ARID5B: variants seen among roughly 807,000 people sequenced by gnomAD.
ARID5B encodes the protein AT-rich interaction domain 5B, also known as AT-rich interactive domain-containing protein 5B.
Under a neutral mutation model 97.2 loss-of-function variants are expected in ARID5B, and 13 were observed. The ratio of observed to expected loss-of-function variants is 0.13; its 90% CI spans 0.09 to 0.21. The LOEUF (loss-of-function observed/expected upper bound fraction) is 0.21. ARID5B is among the 10% of genes least tolerant of loss of function. The pLI, the probability that ARID5B is intolerant of heterozygous loss-of-function variation, is 1.00. For missense variants in ARID5B, 1,210 were observed against 1,465.3 expected, an observed-to-expected ratio of 0.83 and a Z score of 2.84; for synonymous variants, 556 against 570.3, an observed-to-expected ratio of 0.97 and a Z score of 0.36.
At chr10:62,014,568 A>G (rs1839259938) in intron 4 of ARID5B, among the ~76,000 whole-genome samples, 1 of 152,178 alleles carries the variant, frequency 6.6e-6, no homozygotes, top group South Asian at 2.1e-4. Context: ...AAGAAAAAGC[A>G]CAGTGTACTA....
intron 2 of ARID5B, among the ~76,000 whole-genome samples, chr10:61,926,187 C>T (rs1844102921): frequency 6.6e-6 from 1 of 152,126 alleles, no homozygotes; most frequent in Admixed American, 6.5e-5. Context: ...TTTCTGCCGT[C>T]TTTCTTTGGG....
chr10:62,003,426 G>A (rs953991708), intron 4 of ARID5B, among the ~76,000 whole-genome samples: 1 of 152,166 alleles, frequency 6.6e-6, no homozygotes, highest in African/African-American at 2.4e-5. Context: ...TTAAAAGATA[G>A]GGAGCAGGTT....
intron 3 of ARID5B, among the ~76,000 whole-genome samples, chr10:61,998,679 T>C (rs1839035365): frequency 6.6e-6 from 1 of 152,204 alleles, no homozygotes; most frequent in Non-Finnish European, 1.5e-5. Flanking sequence ...GTGGTTTTGA[T>C]AGAACTCTCT....
intron 2 of ARID5B, among the ~76,000 whole-genome samples, chr10:61,905,471 C>T (rs568606365): frequency 2.0e-5 from 3 of 148,516 alleles, no homozygotes; most frequent in African/African-American, 7.5e-5. Context: ...AATATTTTCT[C>T]ATGATTTTTG....
chr10:61,997,876 G>A (rs752970481), intron 3 of ARID5B, among the ~76,000 whole-genome samples: 56 of 152,176 alleles, frequency 3.7e-4, no homozygotes, highest in Non-Finnish European at 3.7e-4. Flanking sequence ...TGTATAAAAA[G>A]CACGGTTTTG....
chr10:61,966,637 A>T (rs969431902), intron 3 of ARID5B, among the ~76,000 whole-genome samples: 2 of 152,234 alleles, frequency 1.3e-5, no homozygotes, highest in Middle Eastern at 3.4e-3. Flanking sequence ...AAGGCACCCC[A>T]TAAGATGAGG....
At position 62,091,917 on chromosome 10, in the gene ARID5B, C is replaced by G. The variant is rs376018574; in HGVS notation, c.2454C>G (p.Ala818=). 3.1e-6 allele frequency: 5 copies of G among 1,613,736 alleles called. No individual in the cohort carries two copies. The highest frequency in any genetic ancestry group is 4.2e-6 in the Non-Finnish European group (5 of 1,179,934). ...EGKDKLLEKR[A]LPHSHMPSFL... is the part of the protein sequence containing the mutation. The stretch of plus-strand genomic sequence containing the variant: ...AGGATAAACTCTTAGAGAAAAGGGC[C>G]CTCCCCCATTCCCACATGCCTAGCT... Residue 818 remains alanine, a synonymous_variant, in exon 10 of 10, where the codon GCC becomes GCG. Transcript: ENST00000279873.
intron 2 of ARID5B, among the ~76,000 whole-genome samples, chr10:61,919,870 G>A (rs1045236920): frequency 3.3e-5 from 5 of 151,910 alleles, no homozygotes; most frequent in African/African-American, 4.8e-5. Context: ...AATGCAGATC[G>A]TATGAATCAC....
chr10:61,913,986 G>T (rs1218699181), intron 2 of ARID5B, among the ~76,000 whole-genome samples: 3 of 152,112 alleles, frequency 2.0e-5, no homozygotes, highest in Non-Finnish European at 4.4e-5. Context: ...CCCGACCTCA[G>T]GTGATCCACC....
In ARID5B at chr10:61,926,735, A is replaced by G. The variant is rs140359931; in HGVS notation, c.277-13448A>G. The stretch of plus-strand genomic sequence containing the variant: ...GTGATTCTCCTGCCTCAGCCTCCCA[A>G]GTAGCTGGGACTACAGGCGTGCACC... On this transcript the variant is annotated intron_variant, in intron 2 of 9. Transcript: ENST00000279873. Among the ~76,000 whole-genome samples, 620 of 152,156 alleles carry G rather than the reference A, an allele frequency of 4.1e-3. 23 individuals are homozygous for G. The highest frequency in any genetic ancestry group is 0.036 in the Admixed American group (554 of 15,296).
intron 2 of ARID5B, among the ~76,000 whole-genome samples, chr10:61,909,481 G>A (rs1843766084): frequency 6.6e-6 from 1 of 152,074 alleles, no homozygotes; most frequent in East Asian, 1.9e-4. Context: ...GCCAGCCACC[G>A]CGGCCGGCTA....
At chr10:61,974,747 C>T (rs1462849209) in intron 3 of ARID5B, among the ~76,000 whole-genome samples, 1 of 152,206 alleles carries the variant, frequency 6.6e-6, no homozygotes, top group Non-Finnish European at 1.5e-5. Context: ...CATTAGTTCC[C>T]TCATGACTAG....
chr10:61,932,206 T>C (rs1042229579), intron 2 of ARID5B, among the ~76,000 whole-genome samples: 2 of 152,068 alleles, frequency 1.3e-5, no homozygotes, highest in African/African-American at 4.8e-5. Flanking sequence ...GTTAGCAATA[T>C]GTCTAAAAAA....
intron 3 of ARID5B, among the ~76,000 whole-genome samples, chr10:61,981,226 G>A (rs1838772924): frequency 6.6e-6 from 1 of 152,140 alleles, no homozygotes; most frequent in Non-Finnish European, 1.5e-5. Context: ...AAAGGCAGCT[G>A]TATTCTAGCA....
intron 4 of ARID5B, among the ~76,000 whole-genome samples, chr10:62,012,511 G>A (rs1485385065): frequency 6.6e-6 from 1 of 152,130 alleles, no homozygotes; most frequent in East Asian, 1.9e-4. Context: ...CAAGCAACTG[G>A]GCGGCAGAGC....
At chr10:62,001,383 T>G (rs1564624636) in intron 4 of ARID5B, among the ~76,000 whole-genome samples, 1 of 152,184 alleles carries the variant, frequency 6.6e-6, no homozygotes. Flanking sequence ...GTTGAGACCC[T>G]TAGCCTGGAG....
intron 3 of ARID5B, among the ~76,000 whole-genome samples, chr10:61,943,797 T>G (rs997640228): frequency 1.3e-5 from 2 of 151,846 alleles, no homozygotes; most frequent in Admixed American, 1.3e-4. Context: ...AAATTAATAC[T>G]CCACAAAGAG....
At chr10:61,909,087 G>A (rs1056891348) in intron 2 of ARID5B, among the ~76,000 whole-genome samples, 3 of 152,200 alleles carry the variant, frequency 2.0e-5, no homozygotes, top group African/African-American at 7.2e-5. Flanking sequence ...CCCTGGGGAT[G>A]CAGCATGAAC....
intron 3 of ARID5B, among the ~76,000 whole-genome samples, chr10:61,953,263 C>G (rs886687805): frequency 1.3e-5 from 2 of 152,060 alleles, no homozygotes; most frequent in Non-Finnish European, 2.9e-5. Context: ...CCTATTCTCT[C>G]AATAGGAAAT....
Sources: allele counts gnomAD v4.1 joint callset (sites outside exome capture counted in the v4.1 genomes callset), GRCh38; gene constraint gnomAD v4.1.1; transcripts MANE v1.5; gene names NCBI Gene and HGNC (gene_info 2026-07-23, HGNC 2026-07-21).